Variants in PDSS2 observed in about 807,000 individuals in gnomAD.
The protein encoded by PDSS2 is decaprenyl diphosphate synthase subunit 2.
In PDSS2, 31 loss-of-function variants were observed where a neutral mutation model predicts 44.5. The observed-to-expected ratio is 0.70, with a 90% CI of 0.52 to 0.94. The LOEUF (loss-of-function observed/expected upper bound fraction) is 0.94, where lower values mean the gene tolerates loss of function less well. PDSS2 is among the 40% of genes least tolerant of loss of function. The probability of loss-of-function intolerance (pLI) is 0.00; values close to 1 mark genes in which losing one functional copy is unlikely to be tolerated. For missense variants in PDSS2, 452 were observed against 482.2 expected (o/e 0.94, Z 0.59); for synonymous variants, 157 against 180.3 (o/e 0.87, Z 1.03).
chr6:107,275,257 G>A (rs989502961), intron 2 of PDSS2, among the ~76,000 whole-genome samples: 10 of 152,054 alleles, frequency 6.6e-5, no homozygotes, highest in African/African-American at 2.4e-4. Flanking sequence ...AAATCAACAG[G>A]TAATTACTAA....
intron 4 of PDSS2, among the ~76,000 whole-genome samples, chr6:107,234,109 TGTCAAATTCAAA>T (rs1200345417): frequency 3.9e-5 from 6 of 152,226 alleles, no homozygotes; most frequent in South Asian, 2.1e-4. Context: ...GAAGAAACTG[TGTCAAATTCAAA>T]GTCCAATTAC....
At chr6:107,170,662 G>A (rs1352463690) in intron 7 of PDSS2, among the ~76,000 whole-genome samples, 1 of 147,312 alleles carries the variant, frequency 6.8e-6, no homozygotes, top group Non-Finnish European at 1.5e-5. Context: ...CACCCAGGCT[G>A]GATGCAGTGG....
chr6:107,424,036 C>CATTTTTTTTTTTTTTT (rs1554279679), intron 1 of PDSS2, among the ~76,000 whole-genome samples: 1 of 90,586 alleles, frequency 1.1e-5, no homozygotes. Flanking sequence ...TATCTTGCAT[C>CATTTTTTTTTTTTTTT]TTTTTTTTTT....
intron 1 of PDSS2, among the ~76,000 whole-genome samples, chr6:107,424,840 C>A (rs563561867): frequency 6.6e-6 from 1 of 152,272 alleles, no homozygotes; most frequent in African/African-American, 2.4e-5. Context: ...AGGATATGAA[C>A]AACTCCATCA....
At chr6:107,368,671 T>G (rs943767572) in intron 1 of PDSS2, among the ~76,000 whole-genome samples, 2 of 151,680 alleles carry the variant, frequency 1.3e-5, no homozygotes, top group South Asian at 4.2e-4. Context: ...CTGGGCAACA[T>G]AGCAAGACCC....
intron 1 of PDSS2, among the ~76,000 whole-genome samples, chr6:107,375,260 G>A (rs1779250929): frequency 1.3e-5 from 2 of 151,766 alleles, no homozygotes; most frequent in Admixed American, 1.3e-4. Flanking sequence ...ACAGAAAACA[G>A]AAAAACAAAA....
chr6:107,451,958 C>G (rs776678145), intron 1 of PDSS2, among the ~76,000 whole-genome samples: 36 of 152,206 alleles, frequency 2.4e-4, no homozygotes, highest in Non-Finnish European at 4.4e-4. Context: ...TGTTGAACAT[C>G]TTTTCATATG....
intron 2 of PDSS2, among the ~76,000 whole-genome samples, chr6:107,294,314 C>G (rs1434256039): frequency 6.6e-6 from 1 of 152,110 alleles, no homozygotes; most frequent in African/African-American, 2.4e-5. Context: ...ACCTAGGTAT[C>G]TAGAGACACA....
intron 1 of PDSS2, among the ~76,000 whole-genome samples, chr6:107,428,997 G>A (rs1038639124): frequency 6.6e-6 from 1 of 152,174 alleles, no homozygotes; most frequent in Non-Finnish European, 1.5e-5. Flanking sequence ...CATATGCCCA[G>A]TCTAAAGGAT....
intron 4 of PDSS2, among the ~76,000 whole-genome samples, chr6:107,225,161 ATTTTTTTTTTTTTTTTT>A (rs71012786): frequency 4.0e-5 from 2 of 50,400 alleles, no homozygotes; most frequent in African/African-American, 2.2e-4. Context: ...ATATATATAT[ATTTTTTTTTTTTTTTTT>A]TTTTTTTTTT....
At chr6:107,348,798 T>G (rs1778333470) in intron 1 of PDSS2, among the ~76,000 whole-genome samples, 1 of 152,174 alleles carries the variant, frequency 6.6e-6, no homozygotes, top group Admixed American at 6.5e-5. Flanking sequence ...GGTAAAAGTA[T>G]CAAACTCAAA....
rs9486593 is a variant in PDSS2, at chr6:107,348,755, A to G, written c.297-14423T>C. Among the ~76,000 whole-genome samples the G allele has an allele frequency of 8.1e-3, 1,231 of 152,356 alleles. 20 individuals carry two copies. Among genetic ancestry groups the G allele is most frequent in the African/African-American group, 0.026 (1,089 of 41,572 alleles). On this transcript the variant is annotated intron_variant, in intron 1 of 7. Transcript: ENST00000369037. The stretch of plus-strand genomic sequence containing the variant: ...TCTAAATACTGCTAATGGATACACC[A>G]GCGACTCAATGTTGGCCACTTTATC...
At chr6:107,225,447 G>T (rs560808440) in intron 4 of PDSS2, among the ~76,000 whole-genome samples, 2 of 151,690 alleles carry the variant, frequency 1.3e-5, no homozygotes, top group South Asian at 4.2e-4. Flanking sequence ...CACCATGCCT[G>T]GCCTTCTTCA....
At position 107,418,509 on chromosome 6, in the gene PDSS2, C is replaced by A. The variant is rs180754349; in HGVS notation, c.296+40481G>T. On this transcript the variant is annotated intron_variant, in intron 1 of 7. Transcript: ENST00000369037. ...TTGTTTGGTTGGGTGTGGTGGCTCACGCCTGTAATCCCAGCACTTTGGGAG... is the reference window on the plus strand; with the variant it reads ...TTGTTTGGTTGGGTGTGGTGGCTCAAGCCTGTAATCCCAGCACTTTGGGAG... Among the ~76,000 whole-genome samples, 742 of 152,244 alleles carry A rather than the reference C, an allele frequency of 4.9e-3. 3 individuals carry two copies. The highest frequency in any genetic ancestry group is 0.017 in the African/African-American group (709 of 41,544).
intron 7 of PDSS2, among the ~76,000 whole-genome samples, chr6:107,166,565 C>T (rs1353794954): frequency 1.3e-4 from 19 of 151,942 alleles, no homozygotes; most frequent in Non-Finnish European, 2.6e-4. Flanking sequence ...GGGGTTTCAC[C>T]GTGTTATCCA....
rs1046446801 is a variant in PDSS2 at position 107,280,977 on chromosome 6, T to C, written c.432-6750A>G. Among the ~76,000 whole-genome samples, 3 of 152,198 alleles carry C rather than the reference T, an allele frequency of 2.0e-5. No individual in the cohort carries two copies. In the South Asian group the frequency reaches 6.2e-4, roughly 32 times the overall value. ...CCTCATGATCCCCTTCAGCTAGATGTGATCATGTGACACAGTCTGGCCAAT... is the reference window on the plus strand; with the variant it reads ...CCTCATGATCCCCTTCAGCTAGATGCGATCATGTGACACAGTCTGGCCAAT... On this transcript the variant is annotated intron_variant, in intron 2 of 7. Coordinates refer to ENST00000369037, the MANE Select transcript of PDSS2 (RefSeq NM_020381.4).
Position 107,458,295 on chromosome 6 carries a change from CT to C in PDSS2, c.296+694del, listed in dbSNP as rs1361925202. 1.3e-4 allele frequency among the ~76,000 whole-genome samples: 19 copies of C among 151,074 alleles called. No homozygotes were observed. The East Asian group carries it at 3.3e-3, about 26-fold the overall frequency. The stretch of plus-strand genomic sequence containing the variant: ...GGTCAGGAGATTGAGACGATCCTGG[CT>C]AACACGGTGAAACCCCGTATCTACT... On this transcript the variant is annotated intron_variant, in intron 1 of 7. Transcript: ENST00000369037.
rs547984823 is a variant in PDSS2, at chr6:107,295,950, C to T, written c.432-21723G>A. Reference sequence around the variant, plus strand: ...CATCCTGTGGGAAGATTATGCATCTCCATGCTCTTAAACTCAAGTAAGGGT... The same window carrying T: ...CATCCTGTGGGAAGATTATGCATCTTCATGCTCTTAAACTCAAGTAAGGGT... On this transcript the variant is annotated intron_variant, in intron 2 of 7. Transcript: ENST00000369037. 9.9e-4 allele frequency among the ~76,000 whole-genome samples: 151 copies of T among 152,228 alleles called. 2 individuals are homozygous for T. Among genetic ancestry groups the T allele is most frequent in the African/African-American group, 3.4e-3 (140 of 41,546 alleles).
At chr6:107,424,045 T>A (rs1583066251) in intron 1 of PDSS2, among the ~76,000 whole-genome samples, 1 of 130,614 alleles carries the variant, frequency 7.7e-6, no homozygotes, top group African/African-American at 2.7e-5. Flanking sequence ...TCTTTTTTTT[T>A]TTTTTTTTTT....
Sources: gnomAD v4.1 joint callset for allele counts (sites outside exome capture counted in the v4.1 genomes callset) on GRCh38, gnomAD v4.1.1 for gene constraint, MANE v1.5 for transcripts, NCBI Gene and HGNC (gene_info 2026-07-23, HGNC 2026-07-21) for gene names.